SCFD2: variants seen among roughly 807,000 people sequenced by gnomAD.
The protein encoded by SCFD2 is sec1 family domain containing 2.
In SCFD2, 54 loss-of-function variants were observed where a neutral mutation model predicts 58.9. The ratio of observed to expected loss-of-function variants is 0.92; its 90% CI spans 0.74 to 1.15. The LOEUF is 1.15. Among genes scored for constraint, SCFD2 ranks in the 50% most tolerant of loss-of-function variants. SCFD2 has a pLI of 0.00. For synonymous variants in SCFD2, 321 were observed against 335.9 expected, an observed-to-expected ratio of 0.96 and a Z score of 0.49; for missense variants, 805 against 836.6, an observed-to-expected ratio of 0.96 and a Z score of 0.47.
chr4:53,095,354 G>A (rs76493164), intron 5 of SCFD2, among the ~76,000 whole-genome samples: 2,967 of 152,094 alleles, frequency 0.02, 69 homozygotes, highest in East Asian at 0.11. Flanking sequence ...CTTTGACATC[G>A]TTCTTTTCCT....
chr4:53,212,875 C>T lies in SCFD2; in HGVS notation c.1311+60951G>A, dbSNP rs1560388168. Among the ~76,000 whole-genome samples, 3 of 151,456 alleles carry T rather than the reference C, an allele frequency of 2.0e-5. No homozygotes were observed. In the South Asian group the frequency reaches 6.2e-4, roughly 31 times the overall value. ...ACGGTTTTTTTTTTTAACCAGCACA[C>T]ATTATTTCTTCTATCTTGTTAACAA... On this transcript the variant is annotated intron_variant, in intron 4 of 8. Coordinates refer to ENST00000401642, the MANE Select transcript of SCFD2 (RefSeq NM_152540.4).
At chr4:53,133,327 CAAAAAAAA>C (rs34787254) in intron 5 of SCFD2, among the ~76,000 whole-genome samples, 14 of 83,202 alleles carry the variant, frequency 1.7e-4, no homozygotes, top group African/African-American at 3.9e-4. Context: ...GACTCCGTCT[CAAAAAAAA>C]AAAAAAAAAA....
At chr4:53,294,637 A>G (rs189293936) in intron 3 of SCFD2, among the ~76,000 whole-genome samples, 2 of 152,242 alleles carry the variant, frequency 1.3e-5, no homozygotes, top group Non-Finnish European at 2.9e-5. Context: ...GAAGCTCTTT[A>G]GTCTAATTGG....
intron 4 of SCFD2, among the ~76,000 whole-genome samples, chr4:53,160,823 G>T (rs183341940): frequency 6.6e-6 from 1 of 152,260 alleles, no homozygotes; most frequent in South Asian, 2.1e-4. Context: ...TCCTATAAGG[G>T]GCACTAGTTG....
intron 7 of SCFD2, among the ~76,000 whole-genome samples, chr4:52,896,755 A>G (rs1719025928): frequency 6.6e-6 from 1 of 152,182 alleles, no homozygotes; most frequent in Non-Finnish European, 1.5e-5. Context: ...CTTGGGCAGC[A>G]TGGCCATTTT....
chr4:53,211,434 T>C (rs1296577445), intron 4 of SCFD2, among the ~76,000 whole-genome samples: 2 of 152,068 alleles, frequency 1.3e-5, no homozygotes. Context: ...AACGTGAGTG[T>C]TTTCTTGAGT....
At chr4:53,207,602 T>TTA (rs1291800115) in intron 4 of SCFD2, among the ~76,000 whole-genome samples, 4 of 36 alleles carry the variant, frequency 0.11, no homozygotes, top group Admixed American at 0.33. Flanking sequence ...TATATAATAT[T>TTA]TATATATATA....
At chr4:53,319,976 T>A (rs1732978708) in intron 2 of SCFD2, among the ~76,000 whole-genome samples, 4 of 152,244 alleles carry the variant, frequency 2.6e-5, no homozygotes, top group Admixed American at 2.6e-4. Flanking sequence ...TGTAACTTGG[T>A]TAGTCTTTTT....
intron 3 of SCFD2, among the ~76,000 whole-genome samples, chr4:53,307,159 A>G (rs1310621473): frequency 6.6e-6 from 1 of 152,234 alleles, no homozygotes; most frequent in Non-Finnish European, 1.5e-5. Context: ...CTGGAGGAAC[A>G]ACCAAATGAA....
chr4:53,115,132 A>G lies in SCFD2; in HGVS notation c.1561+30201T>C, dbSNP rs1432572702. Among the ~76,000 whole-genome samples, 5 of 152,280 alleles carry G rather than the reference A, an allele frequency of 3.3e-5. No homozygotes were observed. The East Asian group carries it at 9.6e-4, about 29-fold the overall frequency. ...TATAAAATGGTAGACCTAAATCCAA[A>G]CATTTCAATAGTTACAATAAATGTA... On this transcript the variant is annotated intron_variant, in intron 5 of 8. Coordinates refer to ENST00000401642, the MANE Select transcript of SCFD2 (RefSeq NM_152540.4).
intron 4 of SCFD2, among the ~76,000 whole-genome samples, chr4:53,175,066 C>G (rs948393403): frequency 2.6e-5 from 4 of 152,158 alleles, no homozygotes; most frequent in African/African-American, 7.2e-5. Flanking sequence ...TTTCTCCCCC[C>G]ACAATGGCTG....
intron 4 of SCFD2, among the ~76,000 whole-genome samples, chr4:53,208,083 A>G (rs1454105348): frequency 6.6e-6 from 1 of 151,794 alleles, no homozygotes; most frequent in Non-Finnish European, 1.5e-5. Context: ...CAGCCTCCTG[A>G]GTAGCTGGGA....
intron 4 of SCFD2, chr4:53,265,555 C>A (rs1730959097): frequency 1.3e-5 from 2 of 151,984 alleles, no homozygotes; most frequent in Non-Finnish European, 2.9e-5. Flanking sequence ...ATATGTGCTG[C>A]CAAAGAGAGC....
intron 5 of SCFD2, among the ~76,000 whole-genome samples, chr4:53,055,007 A>G (rs1171100644): frequency 2.0e-5 from 3 of 152,126 alleles, no homozygotes; most frequent in Non-Finnish European, 4.4e-5. Context: ...CAGCAATAAC[A>G]ATAATGAAGG....
chr4:53,286,133 C>T lies in SCFD2; in HGVS notation c.1136-12132G>A, dbSNP rs576989655. ...CTAGCCAAACCACTGAAGCTTGCACCCCACTGAGGTAAAGTTCCCTAAGGG... is the reference window on the plus strand; with the variant it reads ...CTAGCCAAACCACTGAAGCTTGCACTCCACTGAGGTAAAGTTCCCTAAGGG... On this transcript the variant is annotated intron_variant, in intron 3 of 8. Coordinates refer to ENST00000401642, the MANE Select transcript of SCFD2 (RefSeq NM_152540.4). Among the ~76,000 whole-genome samples, 3 of 152,238 alleles carry T rather than the reference C, an allele frequency of 2.0e-5. No homozygotes were observed. In the South Asian group the frequency reaches 6.2e-4, roughly 32 times the overall value.
At chr4:53,236,490 A>G (rs1486314281) in intron 4 of SCFD2, among the ~76,000 whole-genome samples, 1 of 148,620 alleles carries the variant, frequency 6.7e-6, no homozygotes, top group Non-Finnish European at 1.5e-5. Context: ...CTGTCCCTCT[A>G]AGAGAACCTT....
At chr4:53,289,377 A>AAAC (rs764441916) in intron 3 of SCFD2, among the ~76,000 whole-genome samples, 1 of 152,148 alleles carries the variant, frequency 6.6e-6, no homozygotes, top group East Asian at 1.9e-4. Context: ...AAAAACAAAC[A>AAAC]AACAACAACA....
chr4:53,302,083 T>A (rs1403464907), intron 3 of SCFD2, among the ~76,000 whole-genome samples: 4 of 152,126 alleles, frequency 2.6e-5, no homozygotes, highest in Non-Finnish European at 5.9e-5. Context: ...TTCAACATAG[T>A]GTTGGAAGTT....
chr4:52,907,643 G>C (rs774397582), intron 6 of SCFD2, 52 bp from the exon 7 acceptor site: 252 of 1,585,080 alleles, frequency 1.6e-4, no homozygotes, highest in Non-Finnish European at 2.1e-4. Flanking sequence ...TGTCTGGAGA[G>C]AGGACAGCTT....
Sources: gnomAD v4.1 joint callset for allele counts (sites outside exome capture counted in the v4.1 genomes callset) on GRCh38, gnomAD v4.1.1 for gene constraint, MANE v1.5 for transcripts, NCBI Gene and HGNC (gene_info 2026-07-23, HGNC 2026-07-21) for gene names.